Variants in CDC42BPA observed in about 807,000 individuals in gnomAD.
The protein encoded by CDC42BPA is serine/threonine-protein kinase MRCK alpha.
CDC42BPA carries 80 observed loss-of-function variants against 223.5 expected under a neutral mutation model. The observed-to-expected ratio is 0.36, with a 90% CI of 0.30 to 0.43. CDC42BPA has a LOEUF of 0.43. Ranked by LOEUF, CDC42BPA falls within the 20% of genes least tolerant of loss-of-function variation. The probability of loss-of-function intolerance (pLI) is 1.00; values close to 1 mark genes in which losing one functional copy is unlikely to be tolerated. For missense variants in CDC42BPA, 1,743 were observed against 2,099.9 expected (o/e 0.83, Z 3.32); for synonymous variants, 694 against 718.6 (o/e 0.97, Z 0.55).
intron 17 of CDC42BPA, among the ~76,000 whole-genome samples, chr1:227,077,116 T>C (rs1420313808): frequency 6.6e-6 from 1 of 152,196 alleles, no homozygotes; most frequent in African/African-American, 2.4e-5. Context: ...TAAGGGACAG[T>C]TCCTGAAAAG....
In CDC42BPA at chr1:227,112,434, A is replaced by C; in HGVS notation, c.1891-12T>G. 1 of 1,537,984 alleles carries C rather than the reference A, an allele frequency of 6.5e-7. No individual in the cohort carries two copies. Among genetic ancestry groups the C allele is most frequent in the Non-Finnish European group, 8.8e-7 (1 of 1,133,774 alleles). On this transcript the variant is annotated splice_polypyrimidine_tract_variant and intron_variant, in intron 13 of 36. Transcript: ENST00000366766. ...GTATGAACTTCCAGCTTTAAAACAG[A>C]ATGAAAAATGCAGATTTCACGGTTA... is the stretch of plus-strand genomic sequence containing the variant.
intron 14 of CDC42BPA, among the ~76,000 whole-genome samples, chr1:227,103,962 TA>T (rs1685471913): frequency 6.6e-6 from 1 of 151,998 alleles, no homozygotes; most frequent in Non-Finnish European, 1.5e-5. Context: ...TCTATAATTT[TA>T]AAAAGAAACA....
At chr1:227,047,724 T>C (rs1214704261) in intron 23 of CDC42BPA, among the ~76,000 whole-genome samples, 4 of 152,160 alleles carry the variant, frequency 2.6e-5, no homozygotes, top group African/African-American at 7.2e-5. Context: ...CTTCAAAACA[T>C]TGAATTTAAG....
chr1:227,273,932 T>C (rs66496813), intron 1 of CDC42BPA, among the ~76,000 whole-genome samples: 43,633 of 140,656 alleles, frequency 0.31, 6,905 homozygotes, highest in East Asian at 0.37. Flanking sequence ...AGGTTTGGGA[T>C]TGGGAGGTGG....
intron 21 of CDC42BPA, among the ~76,000 whole-genome samples, chr1:227,065,116 A>AT (rs1276401922): frequency 2.0e-5 from 3 of 151,802 alleles, no homozygotes; most frequent in African/African-American, 7.3e-5. Context: ...AAATAAATAA[A>AT]TAAATAAATT....
intron 8 of CDC42BPA, 39 bp from the exon 9 acceptor site, chr1:227,143,063 T>C (rs1004784118): frequency 2.3e-6 from 3 of 1,277,728 alleles, no homozygotes; most frequent in African/African-American, 3.1e-5. Context: ...AATAGATAGC[T>C]ATATGATCTG....
At chr1:227,123,514 C>T (rs995375247) in intron 11 of CDC42BPA, among the ~76,000 whole-genome samples, 1 of 152,036 alleles carries the variant, frequency 6.6e-6, no homozygotes, top group African/African-American at 2.4e-5. Context: ...AGTTAGACAA[C>T]AGCAACACTC....
chr1:227,027,024 C>T (rs1668385705), intron 30 of CDC42BPA, among the ~76,000 whole-genome samples: 1 of 152,152 alleles, frequency 6.6e-6, no homozygotes, highest in African/African-American at 2.4e-5. Flanking sequence ...AACTTCTGGC[C>T]TCAAGCGATC....
intron 8 of CDC42BPA, 30 bp downstream of exon 8, chr1:227,145,459 G>A (rs201069727): frequency 2.5e-6 from 4 of 1,591,078 alleles, no homozygotes; most frequent in Middle Eastern, 1.8e-4. Flanking sequence ...GAAACAGAGG[G>A]ACAGAACTTC....
chr1:227,269,357 C>T (rs1021463753), intron 1 of CDC42BPA, among the ~76,000 whole-genome samples: 1 of 152,052 alleles, frequency 6.6e-6, no homozygotes, highest in Non-Finnish European at 1.5e-5. Context: ...ATAGCTCACA[C>T]GACTCAAAAA....
chr1:227,137,381 T>TG (rs908704463), intron 10 of CDC42BPA, among the ~76,000 whole-genome samples: 1 of 152,076 alleles, frequency 6.6e-6, no homozygotes, highest in Non-Finnish European at 1.5e-5. Flanking sequence ...GGTGAGGAGT[T>TG]GAAGACAGTA....
intron 1 of CDC42BPA, among the ~76,000 whole-genome samples, chr1:227,281,738 C>A (rs1208416737): frequency 6.6e-6 from 1 of 152,162 alleles, no homozygotes; most frequent in Non-Finnish European, 1.5e-5. Flanking sequence ...TAAGACAAAG[C>A]ATGAGGCTGA....
At position 227,035,492 on chromosome 1, in the gene CDC42BPA, T is replaced by C. The variant is rs1398065421; in HGVS notation, c.3315A>G (p.Thr1105=). 3.7e-6 allele frequency: 6 copies of C among 1,609,948 alleles called. No homozygotes were observed. In the Admixed American group the frequency reaches 1.0e-4, roughly 27 times the overall value. ...LGIDPQKGIG[T]AYEGHVRIPK... ...TTACCCTGACATGACCTTCATATGC[T>C]GTTCCTATTCCTTTCTGAGGATCTA... is the stretch of plus-strand genomic sequence containing the variant. Residue 1105 remains threonine (T), a synonymous_variant, in exon 25 of 37, where the codon ACA becomes ACG. Coordinates refer to ENST00000366766, the MANE Select transcript of CDC42BPA (RefSeq NM_001394014.1).
intron 2 of CDC42BPA, chr1:227,234,398 C>A (rs1259861894): frequency 6.6e-6 from 1 of 152,188 alleles, no homozygotes; most frequent in Non-Finnish European, 1.5e-5. Context: ...AAATGTCTAA[C>A]AATTAAAAAG....
intron 19 of CDC42BPA, among the ~76,000 whole-genome samples, chr1:227,073,225 T>G (rs1263241532): frequency 6.6e-6 from 1 of 152,152 alleles, no homozygotes; most frequent in Non-Finnish European, 1.5e-5. Context: ...CTATGTCACT[T>G]AAACTGGCTT....
At chr1:227,008,175 T>C (rs6426559) in intron 34 of CDC42BPA, among the ~76,000 whole-genome samples, 57,335 of 152,106 alleles carry the variant, frequency 0.38, 11,473 homozygotes, top group Non-Finnish European at 0.46. Context: ...AATGAATAGA[T>C]TATATCTGCA....
intron 17 of CDC42BPA, among the ~76,000 whole-genome samples, chr1:227,077,846 T>C (rs550582462): frequency 6.6e-6 from 1 of 152,244 alleles, no homozygotes; most frequent in Non-Finnish European, 1.5e-5. Context: ...AATACTAATT[T>C]CTCCTCATCT....
At chr1:227,240,696 A>C (rs979593084) in intron 2 of CDC42BPA, among the ~76,000 whole-genome samples, 3 of 151,904 alleles carry the variant, frequency 2.0e-5, no homozygotes, top group Non-Finnish European at 2.9e-5. Context: ...CAAATACAAA[A>C]AAAAAAATGA....
chr1:227,297,247 C>T (rs1482581675), intron 1 of CDC42BPA, among the ~76,000 whole-genome samples: 1 of 152,202 alleles, frequency 6.6e-6, no homozygotes, highest in Non-Finnish European at 1.5e-5. Context: ...CCTACCACTT[C>T]ATACCTACTA....
Sources: allele counts gnomAD v4.1 joint callset (sites outside exome capture counted in the v4.1 genomes callset), GRCh38; gene constraint gnomAD v4.1.1; transcripts MANE v1.5; gene names NCBI Gene and HGNC (gene_info 2026-07-23, HGNC 2026-07-21).